Variants in ARHGEF11 observed in about 807,000 individuals in gnomAD.
ARHGEF11 encodes the protein Rho guanine exchange factor (GEF) 11.
ARHGEF11 carries 55 observed loss-of-function variants against 193.7 expected under a neutral mutation model. The ratio of observed to expected loss-of-function variants is 0.28; its 90% confidence interval spans 0.23 to 0.36. ARHGEF11 has a LOEUF of 0.36. Ranked by LOEUF, ARHGEF11 falls within the 10% of genes least tolerant of loss-of-function variation. The probability of loss-of-function intolerance (pLI) is 1.00; values close to 1 mark genes in which losing one functional copy is unlikely to be tolerated. For missense variants in ARHGEF11, 1,723 were observed against 2,005.6 expected, an observed-to-expected ratio of 0.86 and a Z score of 2.69; for synonymous variants, 693 against 768.0, an observed-to-expected ratio of 0.90 and a Z score of 1.62.
At chr1:156,963,337 C>A (rs1240775814) in intron 12 of ARHGEF11, 33 bp from the exon 13 acceptor site, 13 of 1,588,378 alleles carry the variant, frequency 8.2e-6, no homozygotes, top group Non-Finnish European at 1.1e-5. Flanking sequence ...TGGTGGGAAG[C>A]CGGGCACAGC....
rs1408273651 is a variant in ARHGEF11 at position 156,939,528 on chromosome 1, G to T, written c.4096+20C>A. The T allele has an allele frequency of 6.2e-7, 1 of 1,606,802 alleles. No homozygotes were observed. On this transcript the variant is annotated intron_variant, in intron 37 of 40. Transcript: ENST00000368194. ...AGCAAGGGTGCTTGTCTCCCCACTG[G>T]ACACTCCCATTTATTTTACCTTTTC...
chr1:157,044,556 A>AAAAAG lies in ARHGEF11; in HGVS notation c.-231_-227dup, dbSNP rs1269939088. 4.3e-6 allele frequency: 2 copies of AAAAAG among 460,166 alleles called. No individual in the cohort carries two copies. The highest frequency in any genetic ancestry group is 4.7e-4 in the Middle Eastern group (1 of 2,122). The allele number at this position is 460,166 out of a possible 1,614,324, so 28.5% of individuals were successfully genotyped here. ...CCTCTTCCCCTCCCCCGCTTTAAAA[A>AAAAAG]AAAAGAAAAGAAAAGAAAAAAGAAA... On this transcript the variant is annotated 5_prime_UTR_variant, in exon 1 of 41. Coordinates refer to ENST00000368194, the MANE Select transcript of ARHGEF11 (RefSeq NM_198236.3).
intron 38 of ARHGEF11, among the ~76,000 whole-genome samples, 170 bp downstream of exon 38, chr1:156,938,248 T>A (rs2101769152): frequency 6.6e-6 from 1 of 152,188 alleles, no homozygotes; most frequent in South Asian, 2.1e-4. Context: ...CAGCCAGCCT[T>A]TAGAACCAGA....
At chr1:156,946,477 G>C (rs1184363425) in intron 28 of ARHGEF11, among the ~76,000 whole-genome samples, 185 bp downstream of exon 28, 1 of 152,198 alleles carries the variant, frequency 6.6e-6, no homozygotes, top group East Asian at 1.9e-4. Context: ...TGCTAATCCA[G>C]GATTCTTTCC....
At chr1:156,962,363 T>C (rs966287707) in intron 13 of ARHGEF11, among the ~76,000 whole-genome samples, 1 of 152,190 alleles carries the variant, frequency 6.6e-6, no homozygotes, top group Non-Finnish European at 1.5e-5. Context: ...GCAACTCCTC[T>C]ACTCCATCTG....
At chr1:157,024,439 T>G (rs549786877) in intron 1 of ARHGEF11, among the ~76,000 whole-genome samples, 4 of 152,160 alleles carry the variant, frequency 2.6e-5, no homozygotes, top group Non-Finnish European at 1.5e-5. Context: ...AGAATATACA[T>G]GAAAATTCTC....
At chr1:157,018,634 A>G (rs1436179549) in intron 1 of ARHGEF11, among the ~76,000 whole-genome samples, 1 of 150,972 alleles carries the variant, frequency 6.6e-6, no homozygotes, top group Non-Finnish European at 1.5e-5. Context: ...ACAGAGCAAG[A>G]CTCTGTCTCA....
Position 157,044,754 on chromosome 1 carries a change from C to T in ARHGEF11, c.-424G>A. ...AAAACCATCCTTTAAATCCAGCTTT[C>T]TCAGCTGTCCTTCTGTTGGCAAGAG... On this transcript the variant is annotated 5_prime_UTR_variant, in exon 1 of 41. Coordinates refer to ENST00000368194, the MANE Select transcript of ARHGEF11 (RefSeq NM_198236.3). The T allele has an allele frequency of 2.6e-6, 1 of 384,406 alleles. No homozygotes were observed. Among genetic ancestry groups the T allele is most frequent in the Non-Finnish European group, 4.6e-6 (1 of 218,242 alleles). 23.8% of individuals were successfully genotyped at this position (384,406 alleles called of 1,614,324 possible).
intron 36 of ARHGEF11, 34 bp from the exon 37 acceptor site, chr1:156,939,944 T>G (rs368998920): frequency 6.3e-7 from 1 of 1,595,074 alleles, no homozygotes. Context: ...CTTCCCAGCA[T>G]GGGACTGCAC....
rs1659127076 is a variant in ARHGEF11 at position 156,951,659 on chromosome 1, C to T, written c.1839G>A (p.Glu613=). The change falls in exon 22 of 41, where the codon GAG becomes GAA. Residue 613 remains glutamate (E), a synonymous_variant. Coordinates refer to ENST00000368194, the MANE Select transcript of ARHGEF11 (RefSeq NM_198236.3). The part of the protein sequence containing the change: ...GNVRNIIQHF[E]NNQQYDAPEP... Reference sequence around the variant, plus strand: ...CTGGGGCATCATACTGCTGGTTGTTCTCAAAGTGCTGAATGATGTTCCTCA... The same window carrying T: ...CTGGGGCATCATACTGCTGGTTGTTTTCAAAGTGCTGAATGATGTTCCTCA... 6.2e-7 allele frequency: 1 copy of T among 1,614,026 alleles called. No individual in the cohort carries two copies. Among genetic ancestry groups the T allele is most frequent in the South Asian group, 1.1e-5 (1 of 91,084 alleles).
intron 8 of ARHGEF11, 38 bp from the exon 9 acceptor site, chr1:156,970,081 G>C: frequency 6.3e-7 from 1 of 1,588,604 alleles, no homozygotes; most frequent in Non-Finnish European, 8.6e-7. Context: ...CAAATTCTGT[G>C]AGCCTCTCCC....
At chr1:157,014,760 A>G (rs957059466) in intron 1 of ARHGEF11, among the ~76,000 whole-genome samples, 8 of 152,190 alleles carry the variant, frequency 5.3e-5, no homozygotes, top group African/African-American at 1.7e-4. Flanking sequence ...AGAAGTTCAG[A>G]GCATTTTCTT....
At chr1:157,045,824 C>T (rs1673263816), upstream of ARHGEF11, among the ~76,000 whole-genome samples, 1 of 151,096 alleles carries the variant, frequency 6.6e-6, no homozygotes, top group African/African-American at 2.4e-5. Context: ...GCCCGGCCGG[C>T]CGCCCCCCTT....
At position 157,027,629 on chromosome 1, in the gene ARHGEF11, T is replaced by C. The variant is rs1383004363; in HGVS notation, c.32+16670A>G. Among the ~76,000 whole-genome samples the C allele has an allele frequency of 2.6e-5, 4 of 152,166 alleles. No individual in the cohort carries two copies. In the East Asian group the frequency reaches 5.8e-4, roughly 22 times the overall value. On this transcript the variant is annotated intron_variant, in intron 1 of 40. Transcript: ENST00000368194. The stretch of plus-strand genomic sequence containing the variant: ...AATTAACAATAAAGGAGTTAAATAA[T>C]TGTGGCAAATGAATTTTCCAAAAGT...
At chr1:156,995,435 TAA>T (rs1203832840) in intron 1 of ARHGEF11, among the ~76,000 whole-genome samples, 1 of 152,204 alleles carries the variant, frequency 6.6e-6, no homozygotes, top group Non-Finnish European at 1.5e-5. Flanking sequence ...GCGTTCAGCT[TAA>T]GTGTCCCTTT....
chr1:157,024,962 T>C (rs1380012826), intron 1 of ARHGEF11, among the ~76,000 whole-genome samples: 1 of 152,240 alleles, frequency 6.6e-6, no homozygotes. Context: ...CTCTGGCACC[T>C]GGAATGACTA....
intron 1 of ARHGEF11, among the ~76,000 whole-genome samples, chr1:157,026,112 CG>C (rs1455497647): frequency 6.6e-6 from 1 of 152,170 alleles, no homozygotes; most frequent in Non-Finnish European, 1.5e-5. Context: ...TCCCTGATGA[CG>C]TAAGTATCAT....
intron 13 of ARHGEF11, among the ~76,000 whole-genome samples, chr1:156,962,352 C>T (rs1019607770): frequency 4.6e-5 from 7 of 152,072 alleles, no homozygotes; most frequent in Admixed American, 1.3e-4. Flanking sequence ...AGAATACAAC[C>T]GCAACTCCTC....
At position 157,006,091 on chromosome 1, in the gene ARHGEF11, T is replaced by C. The variant is rs1156906454; in HGVS notation, c.33-19918A>G. Among the ~76,000 whole-genome samples the C allele has an allele frequency of 3.7e-4, 56 of 152,192 alleles. 1 individual carries two copies. The highest frequency in any genetic ancestry group is 4.4e-5 in the Non-Finnish European group (3 of 68,034). On this transcript the variant is annotated intron_variant, in intron 1 of 40. Transcript: ENST00000368194. ...CACAGCATTCTTCAATCCACTTGTG[T>C]GGCAAATCAGTTGACAATTGATGGC...
Sources: gnomAD v4.1 joint callset for allele counts (sites outside exome capture counted in the v4.1 genomes callset) on GRCh38, gnomAD v4.1.1 for gene constraint, MANE v1.5 for transcripts, NCBI Gene and HGNC (gene_info 2026-07-23, HGNC 2026-07-21) for gene names.